AGFG1: variants seen among roughly 807,000 people sequenced by gnomAD.
AGFG1 encodes ArfGAP with FG repeats 1, also known as arf-GAP domain and FG repeat-containing protein 1.
A neutral mutation model predicts 60.6 loss-of-function variants in AGFG1; 10 were observed. That is an observed-to-expected ratio of 0.16 (90% confidence interval 0.10 to 0.28). The LOEUF (loss-of-function observed/expected upper bound fraction) is 0.28, where lower values mean the gene tolerates loss of function less well. Ranked by LOEUF, AGFG1 falls within the 10% of genes least tolerant of loss-of-function variation. The probability of loss-of-function intolerance (pLI) is 1.00; values close to 1 mark genes in which losing one functional copy is unlikely to be tolerated. For synonymous variants in AGFG1, 247 were observed against 242.9 expected (o/e 1.02, Z -0.16); for missense variants, 537 against 676.5 (o/e 0.79, Z 2.29).
At chr2:227,509,164 G>T (rs973331967) in intron 2 of AGFG1, among the ~76,000 whole-genome samples, 1 of 152,152 alleles carries the variant, frequency 6.6e-6, no homozygotes, top group African/African-American at 2.4e-5. Flanking sequence ...GTATACACCA[G>T]TACTGGGACA....
chr2:227,508,395 A>G (rs985627581), intron 2 of AGFG1: 3 of 249,682 alleles, frequency 1.2e-5, no homozygotes, highest in Non-Finnish European at 2.5e-5. Flanking sequence ...GACAAAATAT[A>G]AAGTTCTTAA....
At chr2:227,552,987 T>C (rs4246632) in intron 11 of AGFG1, among the ~76,000 whole-genome samples, 137,537 of 137,596 alleles carry the variant, frequency 1, 68,740 homozygotes, top group Middle Eastern at 1. Context: ...GTGACAAGAG[T>C]GAAATTCCAT....
At chr2:227,514,642 A>G (rs1691599548) in intron 2 of AGFG1, among the ~76,000 whole-genome samples, 1 of 152,222 alleles carries the variant, frequency 6.6e-6, no homozygotes, top group African/African-American at 2.4e-5. Context: ...ATAGCAGCAT[A>G]CAGAGTTGGA....
rs1187485717 is a variant in AGFG1, at chr2:227,472,535, C to T, written c.114C>T (p.Thr38=). 4 of 1,582,734 alleles carry T rather than the reference C, an allele frequency of 2.5e-6. No individual in the cohort carries two copies. The highest frequency in any genetic ancestry group is 3.5e-5 in the Admixed American group (2 of 57,568). ...TCGACTGCGACCAGCGCGGCCCCAC[C>T]TACGTTAACATGACGGTCGGCTCCT... The part of the protein sequence containing the change: ...KCFDCDQRGP[T]YVNMTVGSFV... Residue 38 remains threonine, a synonymous_variant, in exon 1 of 13, where the codon ACC becomes ACT. Coordinates refer to ENST00000310078, the MANE Select transcript of AGFG1 (RefSeq NM_004504.5).
intron 2 of AGFG1, among the ~76,000 whole-genome samples, chr2:227,493,615 T>C (rs543754286): frequency 5.9e-5 from 9 of 152,306 alleles, no homozygotes; most frequent in Admixed American, 2.0e-4. Context: ...GTGACTGAAA[T>C]GTATTTATGA....
intron 2 of AGFG1, among the ~76,000 whole-genome samples, chr2:227,498,655 C>CT (rs1301766827): frequency 6.6e-6 from 1 of 152,168 alleles, no homozygotes; most frequent in Non-Finnish European, 1.5e-5. Flanking sequence ...GAGAAATACA[C>CT]TAACAAAAAT....
chr2:227,487,463 T>C (rs1350747336), intron 1 of AGFG1, among the ~76,000 whole-genome samples: 9 of 152,194 alleles, frequency 5.9e-5, no homozygotes, highest in African/African-American at 1.9e-4. Context: ...TAAAGCACAA[T>C]TGTAAGTGCA....
chr2:227,472,638 G>C (rs1690128267), intron 1 of AGFG1, 50 bp downstream of exon 1: 3 of 1,534,546 alleles, frequency 2.0e-6, no homozygotes, highest in Non-Finnish European at 2.6e-6. Context: ...GGGAGGTGGG[G>C]GAGCGGGCGG....
chr2:227,542,526 A>G (rs987404728), intron 10 of AGFG1, among the ~76,000 whole-genome samples: 3 of 152,194 alleles, frequency 2.0e-5, no homozygotes, highest in South Asian at 2.1e-4. Flanking sequence ...ATCATGGTGG[A>G]TAAGCTTTTT....
At chr2:227,482,921 T>C (rs1036347231) in intron 1 of AGFG1, among the ~76,000 whole-genome samples, 3 of 152,086 alleles carry the variant, frequency 2.0e-5, no homozygotes, top group Admixed American at 2.0e-4. Flanking sequence ...TTTGAACTTC[T>C]TGAAACCAGT....
chr2:227,533,790 T>G, intron 7 of AGFG1, 32 bp downstream of exon 7: 1 of 1,587,938 alleles, frequency 6.3e-7, no homozygotes, highest in Non-Finnish European at 8.6e-7. Context: ...AAATACAAAT[T>G]TGTGTTAAAC....
At chr2:227,495,570 A>G (rs1345722318) in intron 2 of AGFG1, among the ~76,000 whole-genome samples, 2 of 151,192 alleles carry the variant, frequency 1.3e-5, no homozygotes, top group African/African-American at 4.9e-5. Context: ...AAAAATCTAT[A>G]GTGATTTTCT....
chr2:227,480,056 G>T (rs1232877669), intron 1 of AGFG1, among the ~76,000 whole-genome samples: 1 of 152,174 alleles, frequency 6.6e-6, no homozygotes, highest in East Asian at 1.9e-4. Flanking sequence ...CTGGTTGCTT[G>T]TTTTAAGAGG....
intron 3 of AGFG1, among the ~76,000 whole-genome samples, chr2:227,520,708 G>A (rs1377449567): frequency 6.6e-6 from 1 of 152,144 alleles, no homozygotes; most frequent in African/African-American, 2.4e-5. Flanking sequence ...CAGCTACTGA[G>A]GGTTCTTCAT....
rs894158210 is a variant in AGFG1 at position 227,532,012 on chromosome 2, A to G, written c.814+802A>G. The G allele has an allele frequency of 2.0e-5, 13 of 665,346 alleles. No individual in the cohort carries two copies. The South Asian group carries it at 2.8e-4, about 14-fold the overall frequency. The allele number at this position is 665,346 out of a possible 1,614,324, so 41.2% of individuals were successfully genotyped here. ...TCGTAAACTCATGGAACCCTTATTT[A>G]GATTTTTGGCTGATTACTTTTCTTT... On this transcript the variant is annotated intron_variant, in intron 6 of 12. Transcript: ENST00000310078.
At chr2:227,480,364 G>A (rs1163227816) in intron 1 of AGFG1, among the ~76,000 whole-genome samples, 1 of 152,032 alleles carries the variant, frequency 6.6e-6, no homozygotes, top group Non-Finnish European at 1.5e-5. Flanking sequence ...GTAATTGTCA[G>A]ATTCCAAAAA....
chr2:227,508,365 C>G (rs1196317857), intron 2 of AGFG1: 1 of 247,756 alleles, frequency 4.0e-6, no homozygotes, highest in African/African-American at 2.2e-5. Flanking sequence ...AATCCACAAA[C>G]AATTCTTACT....
rs990598677 is a variant in AGFG1 at position 227,557,476 on chromosome 2, A to G, written c.*2981A>G. On this transcript the variant is annotated 3_prime_UTR_variant, in exon 13 of 13. Transcript: ENST00000310078. ...GCTGCTGGTTTACCACTGTACCAAC[A>G]TCTCTGGAGCATTTTAGTTTCAGAA... The G allele has an allele frequency of 6.6e-6, 1 of 152,114 alleles. No individual in the cohort carries two copies. The highest frequency in any genetic ancestry group is 1.5e-5 in the Non-Finnish European group (1 of 68,028). The allele number at this position is 152,114 out of a possible 1,614,324, so 9.4% of individuals were successfully genotyped here.
rs764030112 is a variant in AGFG1, at chr2:227,511,482, G to GA, written c.262-8462dup. ...GCAAGTGGGTGTGACTGTGTTCTAA[G>GA]AAAACTTTATCTACACACATAGGCC... On this transcript the variant is annotated intron_variant, in intron 2 of 12. Coordinates refer to ENST00000310078, the MANE Select transcript of AGFG1 (RefSeq NM_004504.5). Among the ~76,000 whole-genome samples the GA allele has an allele frequency of 2.0e-5, 3 of 152,206 alleles. No homozygotes were observed. In the South Asian group the frequency reaches 6.2e-4, roughly 32 times the overall value.
Sources: gnomAD v4.1 joint callset for allele counts (sites outside exome capture counted in the v4.1 genomes callset) on GRCh38, gnomAD v4.1.1 for gene constraint, MANE v1.5 for transcripts, NCBI Gene and HGNC (gene_info 2026-07-23, HGNC 2026-07-21) for gene names.